The following MBNL2 variants were observed in gnomAD, a reference collection of about 807,000 sequenced individuals.
MBNL2 encodes muscleblind-like protein 2.
Under a neutral mutation model 41.9 loss-of-function variants are expected in MBNL2, and 17 were observed. That is an observed-to-expected ratio of 0.41 (90% CI 0.28 to 0.61). The LOEUF (loss-of-function observed/expected upper bound fraction) is 0.61. Among genes scored for constraint, MBNL2 ranks in the 20% least tolerant of loss-of-function variants. The probability of loss-of-function intolerance (pLI) is 0.35; values close to 1 mark genes in which losing one functional copy is unlikely to be tolerated. For synonymous variants in MBNL2, 195 were observed against 182.9 expected (o/e 1.07, Z -0.53); for missense variants, 336 against 505.6 (o/e 0.66, Z 3.22).
chr13:97,363,418 C>CTG (rs55745808), intron 7 of MBNL2, among the ~76,000 whole-genome samples: 16,662 of 136,374 alleles, frequency 0.12, 1,002 homozygotes, highest in Non-Finnish European at 0.13. Context: ...GAAAGAAAAA[C>CTG]TGTGTGTGTG....
intron 2 of MBNL2, among the ~76,000 whole-genome samples, chr13:97,295,630 C>T (rs2056894579): frequency 6.6e-6 from 1 of 152,138 alleles, no homozygotes. Context: ...AAACCCTACC[C>T]AGCTGGCAAG....
intron 2 of MBNL2, among the ~76,000 whole-genome samples, chr13:97,318,682 T>C (rs1362414963): frequency 1.3e-5 from 2 of 152,200 alleles, no homozygotes; most frequent in Non-Finnish European, 2.9e-5. Context: ...AGCTTAAGTA[T>C]CCAGCCAGCA....
At chr13:97,212,342 C>T in the MBNL2 span, among the ~76,000 whole-genome samples, 48 of 152,184 alleles carry the variant, frequency 3.2e-4, no homozygotes, top group Admixed American at 5.2e-4. Context: ...GTTCAGAGGG[C>T]GCTTTCTGCA....
chr13:97,321,978 A>G (rs1301597497), intron 2 of MBNL2, among the ~76,000 whole-genome samples: 2 of 152,224 alleles, frequency 1.3e-5, no homozygotes, highest in Non-Finnish European at 2.9e-5. Flanking sequence ...GATCTCTAAG[A>G]AGCACTTAGA....
At chr13:97,314,865 A>C (rs1323186253) in intron 2 of MBNL2, among the ~76,000 whole-genome samples, 1 of 152,188 alleles carries the variant, frequency 6.6e-6, no homozygotes, top group African/African-American at 2.4e-5. Flanking sequence ...CTGATAAACT[A>C]TTCAACTTAG....
At chr13:97,361,412 G>A (rs2063381688) in intron 7 of MBNL2, among the ~76,000 whole-genome samples, 1 of 152,198 alleles carries the variant, frequency 6.6e-6, no homozygotes, top group African/African-American at 2.4e-5. Flanking sequence ...AGAGAGTAGA[G>A]GATGGGAGTG....
At chr13:97,227,076 A>T (rs77267111) in intron 1 of MBNL2, among the ~76,000 whole-genome samples, 20 of 150,788 alleles carry the variant, frequency 1.3e-4, no homozygotes, top group South Asian at 6.2e-4. Context: ...AAAAAAAAAA[A>T]ATATATTTCC....
intron 2 of MBNL2, among the ~76,000 whole-genome samples, chr13:97,287,721 C>CTTTTTTTTTTTTT (rs768809008): frequency 8.7e-6 from 1 of 114,936 alleles, no homozygotes; most frequent in Non-Finnish European, 1.7e-5. Context: ...CTTTTCTTTT[C>CTTTTTTTTTTTTT]TTTTTTTTTT....
chr13:97,219,058 T>C (rs1406613198), upstream of MBNL2, among the ~76,000 whole-genome samples: 1 of 152,152 alleles, frequency 6.6e-6, no homozygotes, highest in Non-Finnish European at 1.5e-5. Context: ...GCTCAAAGAA[T>C]AGTCCGTGGA....
At chr13:97,248,196 G>A (rs1012449375) in intron 1 of MBNL2, among the ~76,000 whole-genome samples, 2 of 152,144 alleles carry the variant, frequency 1.3e-5, no homozygotes, top group African/African-American at 4.8e-5. Context: ...GCAGTGGTGC[G>A]ATCTCGCCTC....
At chr13:97,389,198 G>A (rs951423324) in intron 8 of MBNL2, among the ~76,000 whole-genome samples, 1 of 152,160 alleles carries the variant, frequency 6.6e-6, no homozygotes, top group Non-Finnish European at 1.5e-5. Context: ...AATTTCAGTG[G>A]TCATTTATGT....
chr13:97,369,992 G>A (rs1478226903), intron 8 of MBNL2, among the ~76,000 whole-genome samples: 1 of 151,968 alleles, frequency 6.6e-6, no homozygotes, highest in Non-Finnish European at 1.5e-5. Context: ...CTCTTATTAT[G>A]TGCCAGGTAT....
chr13:97,320,893 C>T (rs765419463), intron 2 of MBNL2, among the ~76,000 whole-genome samples: 17 of 152,128 alleles, frequency 1.1e-4, no homozygotes, highest in Non-Finnish European at 2.2e-4. Flanking sequence ...CCAGCCTGGG[C>T]GACAGGATAA....
At chr13:97,278,961 G>A (rs2052765182) in intron 2 of MBNL2, among the ~76,000 whole-genome samples, 1 of 152,150 alleles carries the variant, frequency 6.6e-6, no homozygotes, top group African/African-American at 2.4e-5. Flanking sequence ...TTCCTCATCA[G>A]TAAAAGGAGG....
At chr13:97,323,592 G>A (rs2059677935) in intron 2 of MBNL2, among the ~76,000 whole-genome samples, 2 of 152,160 alleles carry the variant, frequency 1.3e-5, no homozygotes, top group South Asian at 4.1e-4. Flanking sequence ...CTAGGCCGTT[G>A]TATATCAGGG....
At chr13:97,215,365 A>G in the MBNL2 span, among the ~76,000 whole-genome samples, 14 of 152,366 alleles carry the variant, frequency 9.2e-5, no homozygotes, top group African/African-American at 3.4e-4. Flanking sequence ...AAGGAAATAC[A>G]GCAATATTCA....
At chr13:97,213,996 A>G in the MBNL2 span, among the ~76,000 whole-genome samples, 1 of 152,124 alleles carries the variant, frequency 6.6e-6, no homozygotes, top group Non-Finnish European at 1.5e-5. Flanking sequence ...ACATACTTCC[A>G]CTGCTACAGA....
the MBNL2 span, among the ~76,000 whole-genome samples, chr13:97,171,987 G>A: frequency 6.6e-6 from 1 of 152,144 alleles, no homozygotes; most frequent in African/African-American, 2.4e-5. Context: ...CCCCAGCCAC[G>A]TGGAACTGTG....
At chr13:97,373,169 G>A (rs758698106) in intron 8 of MBNL2, among the ~76,000 whole-genome samples, 3 of 152,164 alleles carry the variant, frequency 2.0e-5, no homozygotes, top group Admixed American at 6.6e-5. Context: ...TGGGCCCCAC[G>A]TATGTTGTTC....
Sources: allele counts gnomAD v4.1 joint callset (sites outside exome capture counted in the v4.1 genomes callset), GRCh38; gene constraint gnomAD v4.1.1; transcripts MANE v1.5; gene names NCBI Gene and HGNC (gene_info 2026-07-23, HGNC 2026-07-21).